Variants in CSMD2 observed in about 807,000 individuals in gnomAD.
CSMD2 encodes the protein CUB and Sushi multiple domains 2.
Under a neutral mutation model 398.5 loss-of-function variants are expected in CSMD2, and 130 were observed. That is an observed-to-expected ratio of 0.33 (90% confidence interval 0.28 to 0.38). CSMD2 has a LOEUF of 0.38. Ranked by LOEUF, CSMD2 falls within the 10% of genes least tolerant of loss-of-function variation. The pLI, the probability that CSMD2 is intolerant of heterozygous loss-of-function variation, is 1.00. For synonymous variants in CSMD2, 1,828 were observed against 1,908.5 expected (o/e 0.96, Z 1.10); for missense variants, 3,829 against 4,764.9 (o/e 0.80, Z 5.78).
rs74440103 is a variant in CSMD2, at chr1:33,857,377, C to T, written c.921-10381G>A. On this transcript the variant is annotated intron_variant, in intron 5 of 70. Coordinates refer to ENST00000373381, the MANE Select transcript of CSMD2 (RefSeq NM_001281956.2). The stretch of plus-strand genomic sequence containing the variant: ...TTTCAGATGGGAGAAATCCAGATCA[C>T]ATCCACCTACAGAAGAAATGATTGG... Among the ~76,000 whole-genome samples the T allele has an allele frequency of 6.1e-3, 923 of 152,286 alleles. 5 individuals carry two copies. Among genetic ancestry groups the T allele is most frequent in the African/African-American group, 0.021 (860 of 41,556 alleles).
In CSMD2 at chr1:34,164,994, C is replaced by T. The variant is rs1488628640; in HGVS notation, c.104G>A (p.Arg35His). ...ISALVPGAGS[R>H]WGRPPPPTPP... ...CGTTGGCGGCGGCGGGCGGCCCCAG[C>T]GGCTCCCGGCGCCCGGCACAAGCGC... is the stretch of plus-strand genomic sequence containing the variant. The change falls in exon 1 of 71, where the codon CGC becomes CAC. Residue 35 changes from arginine to histidine, a missense_variant. Arg to His is a conservative substitution (Grantham distance 29, BLOSUM62 0). This residue lies in a region of CSMD2 where 184 missense variants were observed against 217.7 expected (regional missense o/e 0.85). Transcript: ENST00000373381. The surrounding 1 kb of genome is among the most constrained non-coding windows in gnomAD (Gnocchi z 6.2). The T allele has an allele frequency of 6.9e-5, 83 of 1,207,786 alleles. No homozygotes were observed. Among genetic ancestry groups the T allele is most frequent in the Non-Finnish European group, 8.5e-5 (83 of 972,956 alleles). The allele number at this position is 1,207,786 out of a possible 1,614,324, so 74.8% of individuals were successfully genotyped here.
chr1:33,577,800 G>A (rs1189030273), intron 48 of CSMD2, among the ~76,000 whole-genome samples: 3 of 152,146 alleles, frequency 2.0e-5, no homozygotes, highest in Non-Finnish European at 4.4e-5. Flanking sequence ...CTTCAGCTCC[G>A]AAACAGACTT....
chr1:33,569,673 A>AATAT (rs1659401590), intron 51 of CSMD2, 126 bp from the exon 52 acceptor site: 1 of 941,846 alleles, frequency 1.1e-6, no homozygotes, highest in African/African-American at 1.7e-5. Context: ...TCCTGACCAG[A>AATAT]ATATGGGTTG....
intron 3 of CSMD2, among the ~76,000 whole-genome samples, chr1:34,031,190 G>A (rs1650364358): frequency 6.6e-6 from 1 of 151,564 alleles, no homozygotes; most frequent in African/African-American, 2.4e-5. Flanking sequence ...AGCCTCCCAA[G>A]TAGCTGGGAT....
intron 9 of CSMD2, among the ~76,000 whole-genome samples, chr1:33,816,351 C>G (rs1365622915): frequency 1.3e-5 from 2 of 152,104 alleles, no homozygotes; most frequent in Non-Finnish European, 2.9e-5. Context: ...CACAAGAAAT[C>G]AGAGCTGGTT....
chr1:33,617,859 C>T (rs1370699953), intron 37 of CSMD2, among the ~76,000 whole-genome samples: 3 of 152,106 alleles, frequency 2.0e-5, no homozygotes, highest in African/African-American at 7.2e-5. Flanking sequence ...GGTGTGATCC[C>T]AGGGGATGCT....
intron 3 of CSMD2, among the ~76,000 whole-genome samples, chr1:33,981,845 T>A (rs1010103205): frequency 6.6e-6 from 1 of 152,166 alleles, no homozygotes; most frequent in Non-Finnish European, 1.5e-5. Context: ...TCTGCTGGGA[T>A]GGGGCTGCAG....
At chr1:33,516,887 T>G (rs1198083217) in intron 70 of CSMD2, among the ~76,000 whole-genome samples, 3 of 130,632 alleles carry the variant, frequency 2.3e-5, no homozygotes, top group African/African-American at 9.4e-5. Flanking sequence ...CTAATTTTAG[T>G]TTCTTTCAAA....
chr1:33,847,570 A>T (rs1165867742), intron 5 of CSMD2, among the ~76,000 whole-genome samples: 5 of 152,070 alleles, frequency 3.3e-5, no homozygotes, highest in Non-Finnish European at 5.9e-5. Context: ...CGCACAAAGA[A>T]TCGAGGTCAG....
At chr1:33,801,348 G>A (rs1005955544) in intron 10 of CSMD2, among the ~76,000 whole-genome samples, 2 of 152,190 alleles carry the variant, frequency 1.3e-5, no homozygotes, top group African/African-American at 4.8e-5. Context: ...ACAGATGTGT[G>A]TAGGTAGGGG....
At chr1:34,114,993 A>G (rs2148453766) in intron 1 of CSMD2, among the ~76,000 whole-genome samples, 1 of 152,278 alleles carries the variant, frequency 6.6e-6, no homozygotes, top group East Asian at 1.9e-4. Context: ...AACAGACTTA[A>G]GCAGAAAAAA....
At chr1:33,540,904 G>A (rs941740242) in intron 59 of CSMD2, among the ~76,000 whole-genome samples, 12 of 152,128 alleles carry the variant, frequency 7.9e-5, no homozygotes, top group African/African-American at 2.9e-4. Flanking sequence ...CCAGTCCTCT[G>A]TTTGCGGGAC....
At chr1:34,083,127 G>C (rs989554975) in intron 2 of CSMD2, among the ~76,000 whole-genome samples, 4 of 151,344 alleles carry the variant, frequency 2.6e-5, no homozygotes, top group African/African-American at 7.3e-5. Context: ...AGAAAACATA[G>C]GCAGCTCTTT....
At chr1:33,596,479 T>C (rs573481875) in intron 44 of CSMD2, among the ~76,000 whole-genome samples, 14 of 152,308 alleles carry the variant, frequency 9.2e-5, no homozygotes, top group Non-Finnish European at 1.8e-4. Context: ...ACACTGCTAA[T>C]AAAAACATAC....
Position 33,521,443 on chromosome 1 carries a change from G to T in CSMD2, c.10597+20C>A. The T allele has an allele frequency of 9.6e-6, 9 of 940,722 alleles. No homozygotes were observed. Among genetic ancestry groups the T allele is most frequent in the African/African-American group, 1.7e-5 (1 of 60,566 alleles). 58.3% of individuals were successfully genotyped at this position (940,722 alleles called of 1,614,324 possible). A position where few individuals can be genotyped will look rare whatever the true frequency, so the allele number is the denominator to read the frequency against. On this transcript the variant is annotated intron_variant, in intron 68 of 70. Coordinates refer to ENST00000373381, the MANE Select transcript of CSMD2 (RefSeq NM_001281956.2). ...CCCACCCACCCGGGCCCACACTTCC[G>T]GGGGACAAGCACTAGTTACCCAGTC...
intron 3 of CSMD2, among the ~76,000 whole-genome samples, chr1:33,964,736 G>A (rs1409279960): frequency 6.6e-6 from 1 of 152,100 alleles, no homozygotes; most frequent in Non-Finnish European, 1.5e-5. Context: ...AGGCCTTCCT[G>A]GCCCTAGATG....
chr1:33,830,757 C>CTTCTAAAT (rs1462691456), intron 6 of CSMD2, among the ~76,000 whole-genome samples: 1 of 152,128 alleles, frequency 6.6e-6, no homozygotes, highest in African/African-American at 2.4e-5. Flanking sequence ...AAGTTGAAAA[C>CTTCTAAAT]TTTGAAAAAA....
chr1:33,623,220 C>G (rs1641886370), intron 36 of CSMD2, 150 bp downstream of exon 36: 2 of 632,226 alleles, frequency 3.2e-6, no homozygotes, highest in Admixed American at 2.8e-5. Flanking sequence ...CCTTTCGAAT[C>G]TCCTGAAAAC....
At chr1:33,977,512 A>T (rs1357933721) in intron 3 of CSMD2, among the ~76,000 whole-genome samples, 1 of 151,986 alleles carries the variant, frequency 6.6e-6, no homozygotes, top group Non-Finnish European at 1.5e-5. Context: ...ACCTGCTCAA[A>T]GCCCTCAGTG....
Sources: gnomAD v4.1 joint callset for allele counts (sites outside exome capture counted in the v4.1 genomes callset) on GRCh38, gnomAD v4.1.1 for gene constraint, gnomAD v4.1.1 regional missense constraint, Gnocchi (gnomAD v3.1) non-coding constraint, MANE v1.5 for transcripts, NCBI Gene and HGNC (gene_info 2026-07-23, HGNC 2026-07-21) for gene names.